The following SNAP91 variants were observed in gnomAD, a reference collection of about 807,000 sequenced individuals.
SNAP91 encodes synaptosome associated protein 91, also known as clathrin coat assembly protein AP180.
In SNAP91, 27 loss-of-function variants were observed where a neutral mutation model predicts 100.3. The observed-to-expected ratio is 0.27, with a 90% CI of 0.20 to 0.37. The LOEUF is 0.37. Among genes scored for constraint, SNAP91 ranks in the 10% least tolerant of loss-of-function variants. SNAP91 has a pLI of 1.00. For missense variants in SNAP91, 986 were observed against 1,123.7 expected (o/e 0.88, Z 1.75); for synonymous variants, 404 against 398.6 (o/e 1.01, Z -0.16).
intron 2 of SNAP91, chr6:83,686,106 C>G: frequency 1.1e-6 from 1 of 937,880 alleles, no homozygotes; most frequent in Non-Finnish European, 1.3e-6. Context: ...TGTTGTGAAC[C>G]TGGAACATAC....
At chr6:83,644,241 ATTGT>A (rs1047580629) in intron 7 of SNAP91, among the ~76,000 whole-genome samples, 1 of 152,202 alleles carries the variant, frequency 6.6e-6, no homozygotes, top group Non-Finnish European at 1.5e-5. Flanking sequence ...TACTTTTAAA[ATTGT>A]TTGTATCCTT....
chr6:83,651,068 T>C (rs1490510490), intron 7 of SNAP91, among the ~76,000 whole-genome samples: 1 of 152,188 alleles, frequency 6.6e-6, no homozygotes, highest in African/African-American at 2.4e-5. Context: ...AATATTCTCT[T>C]ATCTTTTTAA....
At chr6:83,658,817 T>C (rs536672441) in intron 6 of SNAP91, among the ~76,000 whole-genome samples, 182 bp downstream of exon 6, 5 of 152,178 alleles carry the variant, frequency 3.3e-5, no homozygotes, top group Non-Finnish European at 7.3e-5. Flanking sequence ...CCTGGTAAAC[T>C]GCTTAGAAAA....
intron 5 of SNAP91, 132 bp downstream of exon 5, chr6:83,661,370 G>C (rs1035948910): frequency 1.8e-6 from 1 of 548,890 alleles, no homozygotes; most frequent in Non-Finnish European, 3.2e-6. Flanking sequence ...ATATTATTGA[G>C]TTCCTTTTTT....
At chr6:83,640,652 T>C (rs2097659037) in intron 8 of SNAP91, among the ~76,000 whole-genome samples, 1 of 152,186 alleles carries the variant, frequency 6.6e-6, no homozygotes, top group Admixed American at 6.5e-5. Flanking sequence ...TTATTTTTCA[T>C]TGTGTATAAA....
chr6:83,679,117 T>C (rs547169167), intron 2 of SNAP91, among the ~76,000 whole-genome samples: 11 of 152,218 alleles, frequency 7.2e-5, no homozygotes, highest in African/African-American at 2.4e-4. Context: ...ACTATCTATA[T>C]AGCATTCCCA....
chr6:83,689,994 A>C lies in SNAP91; in HGVS notation c.130+17804T>G, dbSNP rs80269559. Among the ~76,000 whole-genome samples, 1,432 of 151,666 alleles carry C rather than the reference A, an allele frequency of 9.4e-3. 26 individuals are homozygous for C. Among genetic ancestry groups the C allele is most frequent in the African/African-American group, 0.032 (1,338 of 41,322 alleles). The stretch of plus-strand genomic sequence containing the variant: ...CTCATCATTTACTTTTTCTCATTTT[A>C]TAAATTAAAACATTTTTACTAATCT... On this transcript the variant is annotated intron_variant, in intron 2 of 29. Coordinates refer to ENST00000369694, the MANE Select transcript of SNAP91 (RefSeq NM_001242792.2).
At chr6:83,615,667 G>A (rs1407256349) in intron 10 of SNAP91, among the ~76,000 whole-genome samples, 1 of 152,078 alleles carries the variant, frequency 6.6e-6, no homozygotes, top group Non-Finnish European at 1.5e-5. Context: ...AAATAGCTCT[G>A]CCATAATTGT....
At chr6:83,566,791 G>A (rs1436933020) in intron 26 of SNAP91, among the ~76,000 whole-genome samples, 1 of 152,096 alleles carries the variant, frequency 6.6e-6, no homozygotes, top group South Asian at 2.1e-4. Context: ...ATTCTAACTG[G>A]AGACTTTATC....
At chr6:83,618,242 G>T (rs1338262995) in intron 9 of SNAP91, among the ~76,000 whole-genome samples, 1 of 151,492 alleles carries the variant, frequency 6.6e-6, no homozygotes, top group African/African-American at 2.4e-5. Flanking sequence ...ATTACCAAGT[G>T]AACTAAAACA....
At chr6:83,678,256 G>A (rs2098937011) in intron 2 of SNAP91, among the ~76,000 whole-genome samples, 1 of 151,960 alleles carries the variant, frequency 6.6e-6, no homozygotes, top group Non-Finnish European at 1.5e-5. Flanking sequence ...TACCATATTG[G>A]TTAACTTACC....
rs147006504 is a variant in SNAP91 at position 83,608,398 on chromosome 6, GTATT to G, written c.913-594_913-591del. Among the ~76,000 whole-genome samples the G allele has an allele frequency of 7.8e-3, 1,184 of 152,060 alleles. 6 individuals carry two copies. Among genetic ancestry groups the G allele is most frequent in the Admixed American group, 0.012 (186 of 15,272 alleles). ...ACTAAAAAGGTAAAAATAAAATCTA[GTATT>G]TATTTTTCAAGAAGAGGTATTAATA... is the stretch of plus-strand genomic sequence containing the variant. On this transcript the variant is annotated intron_variant, in intron 12 of 29. Coordinates refer to ENST00000369694, the MANE Select transcript of SNAP91 (RefSeq NM_001242792.2).
In SNAP91 at chr6:83,553,569, A is replaced by G. The variant is rs937419032; in HGVS notation, c.*727T>C. The G allele has an allele frequency of 1.3e-5, 2 of 152,152 alleles. No homozygotes were observed. Among genetic ancestry groups the G allele is most frequent in the Non-Finnish European group, 1.5e-5 (1 of 67,976 alleles). 9.4% of individuals were successfully genotyped at this position (152,152 alleles called of 1,614,324 possible). On this transcript the variant is annotated 3_prime_UTR_variant, in exon 30 of 30. Coordinates refer to ENST00000369694, the MANE Select transcript of SNAP91 (RefSeq NM_001242792.2). ...ATAAATAGGTCAATTTAGATGCAAA[A>G]CCTGTCAAATATAATTAAAATATAT...
At chr6:83,560,811 G>T in intron 27 of SNAP91, 53 bp downstream of exon 27, 1 of 1,459,980 alleles carries the variant, frequency 6.8e-7, no homozygotes, top group Non-Finnish European at 9.6e-7. Context: ...TTTGGGATTT[G>T]GCAAATTATT....
chr6:83,592,375 T>A (rs1429454834), intron 21 of SNAP91, 80 bp downstream of exon 21: 24 of 978,660 alleles, frequency 2.5e-5, no homozygotes, highest in Non-Finnish European at 3.5e-5. Context: ...GAAAAAATGA[T>A]GAAATATAAT....
intron 9 of SNAP91, 102 bp downstream of exon 9, chr6:83,623,199 G>A (rs2128414768): frequency 5.4e-6 from 5 of 918,740 alleles, no homozygotes; most frequent in Non-Finnish European, 8.4e-6. Flanking sequence ...GTTGGCCTAA[G>A]TTCAAAATGC....
intron 8 of SNAP91, among the ~76,000 whole-genome samples, chr6:83,632,346 C>T (rs1003197733): frequency 6.6e-6 from 1 of 152,122 alleles, no homozygotes; most frequent in African/African-American, 2.4e-5. Flanking sequence ...TAACATTAGA[C>T]AACCTGATGA....
At chr6:83,668,720 C>T (rs539936415) in intron 2 of SNAP91, among the ~76,000 whole-genome samples, 1 of 152,058 alleles carries the variant, frequency 6.6e-6, no homozygotes, top group African/African-American at 2.4e-5. Context: ...AGGAGATGTA[C>T]CTAATGTAAG....
chr6:83,668,270 G>A (rs1456683471), intron 2 of SNAP91, among the ~76,000 whole-genome samples: 1 of 152,124 alleles, frequency 6.6e-6, no homozygotes, highest in Non-Finnish European at 1.5e-5. Context: ...AAGACAGTGT[G>A]GCAATTTCTC....
Sources: gnomAD v4.1 joint callset for allele counts (sites outside exome capture counted in the v4.1 genomes callset) on GRCh38, gnomAD v4.1.1 for gene constraint, MANE v1.5 for transcripts, NCBI Gene and HGNC (gene_info 2026-07-23, HGNC 2026-07-21) for gene names.